DOCK5: variants seen among roughly 807,000 people sequenced by gnomAD.
The protein encoded by DOCK5 is dedicator of cytokinesis 5, also known as dedicator of cytokinesis protein 5.
A neutral mutation model predicts 251.8 loss-of-function variants in DOCK5; 142 were observed. That is an observed-to-expected ratio of 0.56 (90% CI 0.49 to 0.65). The LOEUF is 0.65. DOCK5 is among the 30% of genes least tolerant of loss of function. The pLI is 0.00. For synonymous variants in DOCK5, 842 were observed against 835.5 expected (o/e 1.01, Z -0.13); for missense variants, 2,111 against 2,312.3 (o/e 0.91, Z 1.79).
At chr8:25,225,601 G>A (rs1802511713) in intron 1 of DOCK5, among the ~76,000 whole-genome samples, 1 of 151,952 alleles carries the variant, frequency 6.6e-6, no homozygotes, top group Non-Finnish European at 1.5e-5. Flanking sequence ...AGCTATTTGG[G>A]AGGCTGAGGC....
At chr8:25,198,197 C>G (rs563279675) in intron 1 of DOCK5, among the ~76,000 whole-genome samples, 1 of 152,286 alleles carries the variant, frequency 6.6e-6, no homozygotes, top group South Asian at 2.1e-4. Flanking sequence ...CAAGTTGCAT[C>G]GTATTTGATT....
chr8:25,292,021 T>C lies in DOCK5; in HGVS notation c.322-3T>C. On this transcript the variant is annotated splice_region_variant and splice_polypyrimidine_tract_variant and intron_variant, in intron 5 of 51. Transcript: ENST00000276440. ...TTTTCTTCATCATATTTTCTCATCT[T>C]AGAACAACAAGCTCACCCTCTTCCG... The C allele has an allele frequency of 6.3e-7, 1 of 1,582,018 alleles. No individual in the cohort carries two copies. Among genetic ancestry groups the C allele is most frequent in the Non-Finnish European group, 8.6e-7 (1 of 1,165,040 alleles).
chr8:25,385,707 GA>G (rs1801153793), intron 40 of DOCK5, among the ~76,000 whole-genome samples: 1 of 152,128 alleles, frequency 6.6e-6, no homozygotes, highest in Non-Finnish European at 1.5e-5. Context: ...ATCAAAAAAT[GA>G]GATAAATCAA....
intron 23 of DOCK5, among the ~76,000 whole-genome samples, chr8:25,341,216 A>G (rs150060680): frequency 6.6e-6 from 1 of 152,160 alleles, no homozygotes; most frequent in Non-Finnish European, 1.5e-5. Flanking sequence ...ACCCAATTAG[A>G]CATCCCTTGA....
chr8:25,258,991 T>C (rs756407048), intron 2 of DOCK5, among the ~76,000 whole-genome samples: 2 of 152,096 alleles, frequency 1.3e-5, no homozygotes, highest in African/African-American at 2.4e-5. Flanking sequence ...TGGTGGTGCA[T>C]GCCTGTAATC....
chr8:25,371,221 A>G (rs1272516670), intron 34 of DOCK5, among the ~76,000 whole-genome samples: 1 of 152,144 alleles, frequency 6.6e-6, no homozygotes, highest in African/African-American at 2.4e-5. Flanking sequence ...ATGGAATTGA[A>G]TTGTATTTTC....
intron 15 of DOCK5, among the ~76,000 whole-genome samples, chr8:25,320,228 T>A (rs902563507): frequency 2.0e-5 from 3 of 152,180 alleles, no homozygotes; most frequent in Non-Finnish European, 4.4e-5. Context: ...TTCTTCTGAA[T>A]CCCGGGCTCC....
intron 27 of DOCK5, among the ~76,000 whole-genome samples, chr8:25,358,590 G>A (rs903227211): frequency 2.0e-5 from 3 of 152,200 alleles, no homozygotes; most frequent in South Asian, 2.1e-4. Flanking sequence ...GTTAAGATTT[G>A]TTTAACTAAT....
At chr8:25,329,082 G>A (rs1805626147) in intron 18 of DOCK5, among the ~76,000 whole-genome samples, 1 of 152,134 alleles carries the variant, frequency 6.6e-6, no homozygotes, top group South Asian at 2.1e-4. Context: ...AACCTTTTGA[G>A]TCTGAATAGC....
chr8:25,367,554 A>G (rs1800798793), intron 31 of DOCK5, among the ~76,000 whole-genome samples: 1 of 152,222 alleles, frequency 6.6e-6, no homozygotes, highest in Non-Finnish European at 1.5e-5. Flanking sequence ...TTGAAATTTT[A>G]GTTGTGTTCC....
intron 3 of DOCK5, chr8:25,271,048 C>G: frequency 2.3e-6 from 1 of 429,396 alleles, no homozygotes; most frequent in Non-Finnish European, 4.1e-6. Context: ...TTGGTTGAAC[C>G]CATGATATGG....
intron 1 of DOCK5, among the ~76,000 whole-genome samples, chr8:25,189,046 C>CTTTTTTTTTTTTTT (rs869176300): frequency 3.0e-5 from 1 of 33,438 alleles, no homozygotes; most frequent in Non-Finnish European, 8.1e-5. Context: ...TTCTTTCTTT[C>CTTTTTTTTTTTTTT]TTTTTTTTTT....
chr8:25,317,110 TGAG>T lies in DOCK5; in HGVS notation c.1427_1429del (p.Glu476del). On this transcript the variant is annotated inframe_deletion, in exon 14 of 52. Coordinates refer to ENST00000276440, the MANE Select transcript of DOCK5 (RefSeq NM_024940.8). ...TGGAGGTGACGATGTCTGTGCACGA[TGAG>T]GAGGGCAAGCTCTTGGAGGTGCGCG... 6.2e-7 allele frequency: 1 copy of T among 1,613,840 alleles called. No homozygotes were observed. The highest frequency in any genetic ancestry group is 8.5e-7 in the Non-Finnish European group (1 of 1,179,806).
intron 1 of DOCK5, among the ~76,000 whole-genome samples, chr8:25,190,403 T>C (rs1801547609): frequency 6.6e-6 from 1 of 152,204 alleles, no homozygotes; most frequent in Admixed American, 6.5e-5. Flanking sequence ...AGCATAATTT[T>C]GAATTAGTCA....
At chr8:25,333,658 T>A (rs918765533) in intron 20 of DOCK5, among the ~76,000 whole-genome samples, 5 of 152,134 alleles carry the variant, frequency 3.3e-5, no homozygotes, top group African/African-American at 1.2e-4. Flanking sequence ...AAGAGGTAAT[T>A]GGGAGATAAA....
At chr8:25,330,029 G>A (rs1290153959) in intron 18 of DOCK5, among the ~76,000 whole-genome samples, 1 of 152,168 alleles carries the variant, frequency 6.6e-6, no homozygotes, top group South Asian at 2.1e-4. Context: ...AAACCTCTGG[G>A]CTGATAGATG....
intron 44 of DOCK5, among the ~76,000 whole-genome samples, chr8:25,394,672 A>G (rs892357020): frequency 9.9e-5 from 15 of 152,158 alleles, no homozygotes; most frequent in African/African-American, 3.6e-4. Flanking sequence ...TCTCCAAGGA[A>G]GTGTTGCCTA....
rs1735538191 is a variant in DOCK5, at chr8:25,319,572, C to G, written c.1444-6C>G. ...TTCCCTTCTAATTTTTTCCTTCCAT[C>G]TGAAGAAAGCAATTCACCCTGGTGC... On this transcript the variant is annotated splice_polypyrimidine_tract_variant and splice_region_variant and intron_variant, in intron 14 of 51. Transcript: ENST00000276440. 6.4e-7 allele frequency: 1 copy of G among 1,565,756 alleles called. No homozygotes were observed. The highest frequency in any genetic ancestry group is 8.7e-7 in the Non-Finnish European group (1 of 1,153,926).
chr8:25,326,493 A>T (rs1420709427), intron 18 of DOCK5, among the ~76,000 whole-genome samples: 1 of 152,202 alleles, frequency 6.6e-6, no homozygotes, highest in Non-Finnish European at 1.5e-5. Context: ...AGTGAAGTTT[A>T]GGGCTAATCC....
Sources: gnomAD v4.1 joint callset for allele counts (sites outside exome capture counted in the v4.1 genomes callset) on GRCh38, gnomAD v4.1.1 for gene constraint, MANE v1.5 for transcripts, NCBI Gene and HGNC (gene_info 2026-07-23, HGNC 2026-07-21) for gene names.